The following OGDH variants were observed in gnomAD, a reference collection of about 807,000 sequenced individuals.
The protein encoded by OGDH is 2-oxoglutarate dehydrogenase complex component E1.
Under a neutral mutation model 116.6 loss-of-function variants are expected in OGDH, and 38 were observed. The observed-to-expected ratio is 0.33, with a 90% CI of 0.25 to 0.43. The LOEUF (loss-of-function observed/expected upper bound fraction) is 0.43. Ranked by LOEUF, OGDH falls within the 20% of genes least tolerant of loss-of-function variation. The pLI is 1.00. For missense variants in OGDH, 825 were observed against 1,357.2 expected (o/e 0.61, Z 6.16); for synonymous variants, 488 against 533.3 (o/e 0.92, Z 1.17).
intron 20 of OGDH, among the ~76,000 whole-genome samples, chr7:44,704,726 T>C (rs1788986309): frequency 6.6e-6 from 1 of 152,114 alleles, no homozygotes; most frequent in African/African-American, 2.4e-5. Flanking sequence ...TTTGTTTTTT[T>C]CCGAGATGGA....
At chr7:44,689,828 A>G (rs1788295925) in intron 10 of OGDH, among the ~76,000 whole-genome samples, 1 of 152,182 alleles carries the variant, frequency 6.6e-6, no homozygotes, top group African/African-American at 2.4e-5. Context: ...ATTTGCAAAT[A>G]TGGGACAATT....
intron 12 of OGDH, among the ~76,000 whole-genome samples, chr7:44,695,617 C>T (rs905271694): frequency 3.3e-5 from 5 of 151,584 alleles, no homozygotes; most frequent in Admixed American, 2.6e-4. Flanking sequence ...GCAGGAGAAT[C>T]GCTTGAACCC....
intron 5 of OGDH, among the ~76,000 whole-genome samples, chr7:44,670,242 G>A (rs1361150150): frequency 6.6e-6 from 1 of 152,170 alleles, no homozygotes; most frequent in Non-Finnish European, 1.5e-5. Flanking sequence ...CCACCGTCAG[G>A]TGTAAAAGGG....
Position 44,701,760 on chromosome 7 carries a change from T to C in OGDH, c.2632+145T>C. ...TTTGGTTGTAAAGACCCGTGATACA[T>C]GGCTGGGCACAGTGGCTCACGCCTG... On this transcript the variant is annotated intron_variant, in intron 20 of 22. Transcript: ENST00000222673. 5.1e-6 allele frequency: 4 copies of C among 778,240 alleles called. No individual in the cohort carries two copies. The South Asian group carries it at 6.2e-5, about 12-fold the overall frequency. 48.2% of individuals were successfully genotyped at this position (778,240 alleles called of 1,614,324 possible).
At chr7:44,666,672 G>T in intron 4 of OGDH, 64 bp from the exon 5 acceptor site, 1 of 771,426 alleles carries the variant, frequency 1.3e-6, no homozygotes, top group East Asian at 3.0e-5. Flanking sequence ...CATAAACTGT[G>T]GTCCCTGCAT....
At chr7:44,664,607 C>G (rs1227721214) in intron 4 of OGDH, among the ~76,000 whole-genome samples, 1 of 152,322 alleles carries the variant, frequency 6.6e-6, no homozygotes, top group East Asian at 1.9e-4. Flanking sequence ...TTCCAGGGAA[C>G]TCCCTGGTGT....
chr7:44,612,483 A>G (rs1784603315), intron 1 of OGDH, among the ~76,000 whole-genome samples: 1 of 151,372 alleles, frequency 6.6e-6, no homozygotes, highest in Admixed American at 6.6e-5. Context: ...TCCTGGGTTC[A>G]AGCGATTCTC....
intron 4 of OGDH, among the ~76,000 whole-genome samples, chr7:44,651,401 A>G (rs940978521): frequency 6.6e-6 from 1 of 152,190 alleles, no homozygotes; most frequent in African/African-American, 2.4e-5. Flanking sequence ...GTTAGGAGAG[A>G]CTGTACAGAC....
chr7:44,697,225 G>C lies in OGDH; in HGVS notation c.2052-145G>C. The C allele has an allele frequency of 2.1e-6, 3 of 1,447,478 alleles. No homozygotes were observed. The highest frequency in any genetic ancestry group is 2.8e-6 in the Non-Finnish European group (3 of 1,061,744). 89.7% of individuals were successfully genotyped at this position (1,447,478 alleles called of 1,614,324 possible). Reference sequence around the variant, plus strand: ...CATTTGCTATGGGTGCTTCTGTTAAGACCTGGGTGGGGCCGACCCTGCAGC... The same window carrying C: ...CATTTGCTATGGGTGCTTCTGTTAACACCTGGGTGGGGCCGACCCTGCAGC... On this transcript the variant is annotated intron_variant, in intron 15 of 22. Coordinates refer to ENST00000222673, the MANE Select transcript of OGDH (RefSeq NM_002541.4). The surrounding 1 kb of genome is among the most constrained non-coding windows in gnomAD (Gnocchi z 6.0).
At chr7:44,653,309 C>T (rs763798857) in intron 4 of OGDH, among the ~76,000 whole-genome samples, 4 of 151,690 alleles carry the variant, frequency 2.6e-5, no homozygotes, top group Admixed American at 6.6e-5. Flanking sequence ...GTCAGGCTGG[C>T]CTTGAACTCC....
intron 4 of OGDH, among the ~76,000 whole-genome samples, chr7:44,664,883 C>A (rs891906316): frequency 1.3e-5 from 2 of 152,104 alleles, no homozygotes; most frequent in Non-Finnish European, 2.9e-5. Context: ...AAGTGAAAGA[C>A]CATCACATGG....
rs5883903 is a variant in OGDH at position 44,636,068 on chromosome 7, CT to C, written c.223-9255del. Reference sequence around the variant, plus strand: ...CATCTTAAATAGCCTGTGTTTAGGACTTTTACAGACAAGAAAACAGGCCAGA... The same window carrying C: ...CATCTTAAATAGCCTGTGTTTAGGACTTTACAGACAAGAAAACAGGCCAGA... On this transcript the variant is annotated intron_variant, in intron 2 of 22. Coordinates refer to ENST00000222673, the MANE Select transcript of OGDH (RefSeq NM_002541.4). Among the ~76,000 whole-genome samples, 688 of 152,318 alleles carry C rather than the reference CT, an allele frequency of 4.5e-3. 8 individuals carry two copies. Among genetic ancestry groups the C allele is most frequent in the African/African-American group, 0.015 (629 of 41,570 alleles).
chr7:44,634,931 G>T (rs1356337451), intron 2 of OGDH, among the ~76,000 whole-genome samples: 1 of 152,218 alleles, frequency 6.6e-6, no homozygotes, highest in Non-Finnish European at 1.5e-5. Context: ...CCCCAATAGG[G>T]AGTACCCTGT....
intron 4 of OGDH, among the ~76,000 whole-genome samples, chr7:44,653,180 A>T: frequency 6.6e-6 from 1 of 151,208 alleles, no homozygotes; most frequent in South Asian, 2.1e-4. Context: ...TGCAACCTCC[A>T]CCTCCAGGTT....
intron 20 of OGDH, among the ~76,000 whole-genome samples, chr7:44,702,815 G>C (rs1473424411): frequency 2.0e-5 from 3 of 152,032 alleles, no homozygotes; most frequent in Admixed American, 2.0e-4. Flanking sequence ...CCAGGATGGT[G>C]TCAATCTCCT....
At chr7:44,683,521 A>G (rs1788015568) in intron 10 of OGDH, among the ~76,000 whole-genome samples, 1 of 152,180 alleles carries the variant, frequency 6.6e-6, no homozygotes, top group Admixed American at 6.6e-5. Context: ...GTGATCCACC[A>G]TGCCCGACAA....
intron 8 of OGDH, 51 bp from the exon 9 acceptor site, chr7:44,675,919 A>T: frequency 6.3e-7 from 1 of 1,579,326 alleles, no homozygotes; most frequent in South Asian, 1.1e-5. Context: ...GCTCTTTTGG[A>T]GACTGAGCAT....
intron 18 of OGDH, among the ~76,000 whole-genome samples, chr7:44,699,019 C>A (rs761564503): frequency 2.6e-5 from 4 of 151,548 alleles, no homozygotes; most frequent in Non-Finnish European, 5.9e-5. Context: ...TGGCGCCCAC[C>A]TGTAATCCCA....
At chr7:44,679,309 C>T (rs938580861) in intron 9 of OGDH, among the ~76,000 whole-genome samples, 1 of 152,196 alleles carries the variant, frequency 6.6e-6, no homozygotes, top group African/African-American at 2.4e-5. Context: ...ATGGCTTTTA[C>T]ACTCAGGCAG....
Sources: allele counts gnomAD v4.1 joint callset (sites outside exome capture counted in the v4.1 genomes callset), GRCh38; gene constraint gnomAD v4.1.1; non-coding constraint Gnocchi (gnomAD v3.1); transcripts MANE v1.5; gene names NCBI Gene and HGNC (gene_info 2026-07-23, HGNC 2026-07-21).